ARMC3: variants seen among roughly 807,000 people sequenced by gnomAD.
The protein encoded by ARMC3 is armadillo repeat containing 3.
Under a neutral mutation model 90.3 loss-of-function variants are expected in ARMC3, and 74 were observed. That is an observed-to-expected ratio of 0.82 (90% confidence interval 0.68 to 0.99). The LOEUF is 0.99. ARMC3 is among the 50% of genes least tolerant of loss of function. The probability of loss-of-function intolerance (pLI) is 0.00; values close to 1 mark genes in which losing one functional copy is unlikely to be tolerated. For missense variants in ARMC3, 958 were observed against 1,042.8 expected, an observed-to-expected ratio of 0.92 and a Z score of 1.12; for synonymous variants, 334 against 361.8, an observed-to-expected ratio of 0.92 and a Z score of 0.87.
intron 14 of ARMC3, among the ~76,000 whole-genome samples, chr10:23,007,478 G>A (rs1392175833): frequency 6.6e-6 from 1 of 152,036 alleles, no homozygotes; most frequent in Non-Finnish European, 1.5e-5. Flanking sequence ...GAGCCGAGGC[G>A]GGCAGATCAC....
chr10:23,021,325 C>T (rs1001092832), intron 16 of ARMC3, among the ~76,000 whole-genome samples: 1 of 152,148 alleles, frequency 6.6e-6, no homozygotes, highest in African/African-American at 2.4e-5. Flanking sequence ...TTTGGGTGTA[C>T]ACCCAGTAAT....
intron 7 of ARMC3, among the ~76,000 whole-genome samples, chr10:22,964,100 A>G (rs1183655988): frequency 6.6e-6 from 1 of 152,130 alleles, no homozygotes; most frequent in East Asian, 1.9e-4. Context: ...ATACATAAAA[A>G]TTTATCATAT....
At chr10:22,951,600 A>G (rs1834741807) in intron 3 of ARMC3, among the ~76,000 whole-genome samples, 1 of 152,240 alleles carries the variant, frequency 6.6e-6, no homozygotes, top group South Asian at 2.1e-4. Flanking sequence ...TAAATTAGAA[A>G]TCAATAACGC....
chr10:22,968,513 A>G (rs1444630224), intron 8 of ARMC3, 24 bp downstream of exon 8: 1 of 1,532,428 alleles, frequency 6.5e-7, no homozygotes, highest in African/African-American at 1.4e-5. Context: ...TATTTTATTT[A>G]TTTTGAGATA....
At chr10:22,974,932 C>A (rs1364582847) in intron 8 of ARMC3, among the ~76,000 whole-genome samples, 3 of 152,208 alleles carry the variant, frequency 2.0e-5, no homozygotes, top group South Asian at 2.1e-4. Context: ...ATGAGCCCCA[C>A]CCTGGCCAAG....
At chr10:23,027,642 T>G (rs1409682929) in intron 16 of ARMC3, among the ~76,000 whole-genome samples, 1 of 152,212 alleles carries the variant, frequency 6.6e-6, no homozygotes, top group Non-Finnish European at 1.5e-5. Flanking sequence ...TTTACCTTAT[T>G]GGCATTCACT....
chr10:22,956,469 G>A (rs898329341), intron 4 of ARMC3, among the ~76,000 whole-genome samples: 21 of 152,058 alleles, frequency 1.4e-4, no homozygotes, highest in Admixed American at 1.2e-3. Context: ...CAGGAATAGT[G>A]GCAGGTGCCT....
intron 4 of ARMC3, 149 bp from the exon 5 acceptor site, chr10:22,958,921 C>A: frequency 1.7e-6 from 1 of 580,390 alleles, no homozygotes; most frequent in South Asian, 2.2e-5. Context: ...AGGGGTTTCA[C>A]CATGTTGGCT....
intron 16 of ARMC3, among the ~76,000 whole-genome samples, chr10:23,024,517 A>C (rs576231187): frequency 1.3e-5 from 2 of 152,334 alleles, no homozygotes; most frequent in Non-Finnish European, 2.9e-5. Flanking sequence ...ATAACATCTT[A>C]TACTCAAGAC....
intron 11 of ARMC3, among the ~76,000 whole-genome samples, chr10:22,999,911 G>A (rs1012903640): frequency 2.0e-5 from 3 of 152,166 alleles, no homozygotes; most frequent in Admixed American, 6.5e-5. Context: ...CTGCGTGCCA[G>A]GTGCTCTGCT....
intron 2 of ARMC3, among the ~76,000 whole-genome samples, chr10:22,936,139 T>A (rs1253671408): frequency 2.0e-5 from 3 of 152,184 alleles, no homozygotes; most frequent in Non-Finnish European, 4.4e-5. Flanking sequence ...GTTATTAAAA[T>A]TTGAATTTAT....
At chr10:22,964,460 G>A (rs1835362640) in intron 7 of ARMC3, among the ~76,000 whole-genome samples, 1 of 140,874 alleles carries the variant, frequency 7.1e-6, no homozygotes, top group African/African-American at 2.7e-5. Flanking sequence ...TTTTTTTTGA[G>A]ATGGAGCCTT....
At chr10:22,956,054 CA>C in intron 4 of ARMC3, 122 bp downstream of exon 4, 1 of 985,622 alleles carries the variant, frequency 1.0e-6, no homozygotes, top group East Asian at 2.7e-5. Context: ...TTCACAAAAA[CA>C]TTTTATCAGT....
chr10:22,935,158 A>C (rs1834065345), intron 2 of ARMC3, among the ~76,000 whole-genome samples: 1 of 152,198 alleles, frequency 6.6e-6, no homozygotes, highest in Admixed American at 6.5e-5. Context: ...TTCTTTCCTT[A>C]GTTAAATGCA....
intron 2 of ARMC3, among the ~76,000 whole-genome samples, chr10:22,941,909 G>C (rs1242294155): frequency 6.6e-6 from 1 of 150,840 alleles, no homozygotes; most frequent in South Asian, 2.1e-4. Context: ...CTCAATTGCT[G>C]GTCATGAATT....
chr10:22,971,897 G>A (rs936860835), intron 8 of ARMC3, among the ~76,000 whole-genome samples: 2 of 152,166 alleles, frequency 1.3e-5, no homozygotes, highest in Non-Finnish European at 2.9e-5. Context: ...CCTAATGGGC[G>A]TGAGGTGCTA....
Position 22,946,209 on chromosome 10 carries a change from A to G in ARMC3, c.114A>G (p.Glu38=), listed in dbSNP as rs1471137191. 3 of 1,613,220 alleles carry G rather than the reference A, an allele frequency of 1.9e-6. No individual in the cohort carries two copies. Among genetic ancestry groups the G allele is most frequent in the Non-Finnish European group, 2.5e-6 (3 of 1,179,660 alleles). Residue 38 remains glutamate (E), a synonymous_variant, in exon 3 of 19, where the codon GAA becomes GAG. Transcript: ENST00000298032. Reference sequence around the variant, plus strand: ...TGGTGTTAATGCTTAATTCTCCAGAAGAGGAAATTTTGGCTAAAGCATGTG... The same window carrying G: ...TGGTGTTAATGCTTAATTCTCCAGAGGAGGAAATTTTGGCTAAAGCATGTG... The part of the protein sequence containing the change: ...ATVVLMLNSP[E]EEILAKACEA...
chr10:22,934,816 T>C (rs1020354551), intron 2 of ARMC3, among the ~76,000 whole-genome samples: 8 of 152,184 alleles, frequency 5.3e-5, no homozygotes, highest in African/African-American at 1.9e-4. Context: ...GTTATTATTA[T>C]TAATGATATA....
At chr10:22,942,434 C>A (rs1834358297) in intron 2 of ARMC3, among the ~76,000 whole-genome samples, 1 of 152,150 alleles carries the variant, frequency 6.6e-6, no homozygotes, top group Admixed American at 6.6e-5. Context: ...AGAGAACTTT[C>A]AAAAGTAATG....
Sources: gnomAD v4.1 joint callset for allele counts (sites outside exome capture counted in the v4.1 genomes callset) on GRCh38, gnomAD v4.1.1 for gene constraint, MANE v1.5 for transcripts, NCBI Gene and HGNC (gene_info 2026-07-23, HGNC 2026-07-21) for gene names.